Variants in SAMD12 observed in about 807,000 individuals in gnomAD.
The protein encoded by SAMD12 is sterile alpha motif domain-containing protein 12.
In SAMD12, 9 loss-of-function variants were observed where a neutral mutation model predicts 15.0. That is an observed-to-expected ratio of 0.60 (90% CI 0.36 to 1.05). The LOEUF (loss-of-function observed/expected upper bound fraction) is 1.05, where lower values mean the gene tolerates loss of function less well. SAMD12 is among the 50% of genes least tolerant of loss of function. SAMD12 has a pLI of 0.01. For synonymous variants in SAMD12, 86 were observed against 90.1 expected (o/e 0.96, Z 0.25); for missense variants, 230 against 234.2 (o/e 0.98, Z 0.12).
At chr8:118,528,708 T>C (rs1236275366) in intron 2 of SAMD12, among the ~76,000 whole-genome samples, 1 of 152,210 alleles carries the variant, frequency 6.6e-6, no homozygotes, top group Non-Finnish European at 1.5e-5. Flanking sequence ...CCCAGAAAAG[T>C]GAGTCTCTCT....
chr8:118,263,070 A>G (rs1053420038), intron 4 of SAMD12, among the ~76,000 whole-genome samples: 3 of 152,182 alleles, frequency 2.0e-5, no homozygotes, highest in South Asian at 2.1e-4. Flanking sequence ...TTCAACAACC[A>G]TCAGTGCCTG....
intron 4 of SAMD12, among the ~76,000 whole-genome samples, chr8:118,333,680 G>A (rs1816911227): frequency 6.6e-6 from 1 of 152,032 alleles, no homozygotes; most frequent in Non-Finnish European, 1.5e-5. Context: ...GAGCTCAAGA[G>A]ATACTTTAAA....
chr8:118,617,557 A>C (rs573466214), intron 1 of SAMD12, among the ~76,000 whole-genome samples: 1 of 152,320 alleles, frequency 6.6e-6, no homozygotes, highest in African/African-American at 2.4e-5. Flanking sequence ...TGAGTGCTGA[A>C]TATTGGAAAT....
chr8:118,347,042 G>A (rs904810663), intron 4 of SAMD12, among the ~76,000 whole-genome samples: 1 of 152,108 alleles, frequency 6.6e-6, no homozygotes, highest in East Asian at 1.9e-4. Flanking sequence ...TACCCCCATG[G>A]CCCACCTTGA....
At chr8:118,157,516 A>G in the SAMD12 span, among the ~76,000 whole-genome samples, 3 of 152,218 alleles carry the variant, frequency 2.0e-5, no homozygotes, top group African/African-American at 7.2e-5. Context: ...CTCCATGTGA[A>G]AAACATTTAT....
chr8:118,610,750 G>C, intron 1 of SAMD12, among the ~76,000 whole-genome samples: 1 of 152,312 alleles, frequency 6.6e-6, no homozygotes, highest in East Asian at 1.9e-4. Flanking sequence ...AGAGATTACT[G>C]TCTTTAGCCC....
chr8:118,309,380 A>ATATG (rs1554628153), intron 4 of SAMD12, among the ~76,000 whole-genome samples: 3 of 143,974 alleles, frequency 2.1e-5, no homozygotes, highest in African/African-American at 8.2e-5. Context: ...TGAGATATAT[A>ATATG]TGTGTGTGTG....
intron 2 of SAMD12, among the ~76,000 whole-genome samples, chr8:118,495,491 C>A (rs1390132718): frequency 6.6e-6 from 1 of 151,474 alleles, no homozygotes; most frequent in Admixed American, 6.6e-5. Flanking sequence ...TAGTTGAAAA[C>A]TGGCTAACTA....
At chr8:118,560,386 C>T (rs1037594175) in intron 2 of SAMD12, among the ~76,000 whole-genome samples, 20 of 152,318 alleles carry the variant, frequency 1.3e-4, no homozygotes, top group African/African-American at 4.8e-4. Context: ...TTATTACTAG[C>T]TGTCTGAGAG....
intron 2 of SAMD12, among the ~76,000 whole-genome samples, chr8:118,461,968 T>C (rs1410941006): frequency 2.0e-5 from 3 of 152,234 alleles, no homozygotes; most frequent in East Asian, 1.9e-4. Flanking sequence ...CAGGCATGCA[T>C]TGCTATGGTA....
At chr8:118,483,960 A>C (rs1323388567) in intron 2 of SAMD12, among the ~76,000 whole-genome samples, 1 of 152,224 alleles carries the variant, frequency 6.6e-6, no homozygotes, top group Admixed American at 6.5e-5. Context: ...TCTCAGTACT[A>C]GGTGCACAAC....
chr8:118,617,066 C>T (rs372648105), intron 1 of SAMD12, among the ~76,000 whole-genome samples: 27 of 152,356 alleles, frequency 1.8e-4, no homozygotes, highest in South Asian at 6.2e-4. Flanking sequence ...ATCCCTATGA[C>T]GGGTAAGTTC....
intron 2 of SAMD12, among the ~76,000 whole-genome samples, chr8:118,493,678 T>C (rs1824515708): frequency 6.6e-6 from 1 of 152,134 alleles, no homozygotes; most frequent in South Asian, 2.1e-4. Flanking sequence ...ATAACAAAAT[T>C]GTGAATTGCT....
At position 118,265,659 on chromosome 8, in the gene SAMD12, A is replaced by G. The variant is rs557444026; in HGVS notation, c.434-67927T>C. On this transcript the variant is annotated intron_variant, in intron 4 of 4. Coordinates refer to the SAMD12 transcript ENST00000409003. ...GGATCATTCAGTCATTTATTTCAAC[A>G]CTAATTTAGAATCTAGTATGATAAA... Among the ~76,000 whole-genome samples the G allele has an allele frequency of 2.0e-3, 307 of 151,744 alleles. 1 individual carries two copies. The highest frequency in any genetic ancestry group is 3.3e-3 in the Non-Finnish European group (227 of 67,930).
At chr8:118,553,080 C>A (rs75344352) in intron 2 of SAMD12, among the ~76,000 whole-genome samples, 1 of 151,916 alleles carries the variant, frequency 6.6e-6, no homozygotes, top group Non-Finnish European at 1.5e-5. Flanking sequence ...TAGGAAGAAT[C>A]AATATCGTGA....
chr8:118,234,048 T>C (rs1344587209), intron 4 of SAMD12, among the ~76,000 whole-genome samples: 3 of 152,124 alleles, frequency 2.0e-5, no homozygotes, highest in Admixed American at 1.3e-4. Context: ...AAAGGAAAGA[T>C]GAACTGAGAT....
intron 3 of SAMD12, among the ~76,000 whole-genome samples, chr8:118,432,469 T>A (rs1300788068): frequency 6.6e-6 from 1 of 152,186 alleles, no homozygotes; most frequent in African/African-American, 2.4e-5. Context: ...ATGGGGGCAG[T>A]CATCAAGAGC....
chr8:118,599,341 T>C (rs1827798246), intron 1 of SAMD12, among the ~76,000 whole-genome samples: 1 of 152,204 alleles, frequency 6.6e-6, no homozygotes, highest in Non-Finnish European at 1.5e-5. Flanking sequence ...ACAAACTTAA[T>C]GTGTGAACTT....
chr8:118,240,208 C>G (rs988388159), intron 4 of SAMD12, among the ~76,000 whole-genome samples: 8 of 152,114 alleles, frequency 5.3e-5, no homozygotes, highest in African/African-American at 1.9e-4. Flanking sequence ...AATATTCTAG[C>G]TCTGGTGGAG....
Sources: allele counts gnomAD v4.1 joint callset (sites outside exome capture counted in the v4.1 genomes callset), GRCh38; gene constraint gnomAD v4.1.1; transcripts MANE v1.5; gene names NCBI Gene and HGNC (gene_info 2026-07-23, HGNC 2026-07-21).